ST6GALNAC1: variants seen among roughly 807,000 people sequenced by gnomAD.
ST6GALNAC1 encodes the protein alpha-N-acetylgalactosaminide alpha-2,6-sialyltransferase 1.
ST6GALNAC1 carries 45 observed loss-of-function variants against 56.8 expected under a neutral mutation model. The ratio of observed to expected loss-of-function variants is 0.79; its 90% CI spans 0.62 to 1.02. ST6GALNAC1 has a LOEUF of 1.02. ST6GALNAC1 is among the 50% of genes least tolerant of loss of function. The pLI is 0.00. For synonymous variants in ST6GALNAC1, 295 were observed against 297.8 expected, an observed-to-expected ratio of 0.99 and a Z score of 0.10; for missense variants, 743 against 754.8, an observed-to-expected ratio of 0.98 and a Z score of 0.18.
intron 1 of ST6GALNAC1, chr17:76,641,866 GA>G: frequency 6.6e-6 from 1 of 152,184 alleles, no homozygotes; most frequent in South Asian, 2.1e-4. Flanking sequence ...TCCCGACATG[GA>G]AAGATGTCCA....
At chr17:76,638,470 G>A (rs993521379) in intron 1 of ST6GALNAC1, among the ~76,000 whole-genome samples, 3 of 151,938 alleles carry the variant, frequency 2.0e-5, no homozygotes, top group Non-Finnish European at 2.9e-5. Flanking sequence ...TCTGCCTCCC[G>A]AGTTCAAGCG....
In ST6GALNAC1 at chr17:76,627,687, C is replaced by T. The variant is rs552185089; in HGVS notation, c.832-104G>A. The T allele has an allele frequency of 1.4e-5, 15 of 1,048,234 alleles. No individual in the cohort carries two copies. The highest frequency in any genetic ancestry group is 7.9e-5 in the African/African-American group (5 of 63,086). The allele number at this position is 1,048,234 out of a possible 1,614,324, so 64.9% of individuals were successfully genotyped here. ...GCTGGGGCTCGCAGTTTGGAAGGCGCGGCCTCTGCTACCTCTTCCATTCTG... is the reference window on the plus strand; with the variant it reads ...GCTGGGGCTCGCAGTTTGGAAGGCGTGGCCTCTGCTACCTCTTCCATTCTG... On this transcript the variant is annotated intron_variant, in intron 2 of 8. Coordinates refer to ENST00000156626, the MANE Select transcript of ST6GALNAC1 (RefSeq NM_018414.5). This position sits in a 1 kb window ranked among gnomAD's most constrained non-coding sequence, Gnocchi z 4.4.
downstream of ST6GALNAC1, among the ~76,000 whole-genome samples, chr17:76,619,906 G>C (rs1232875720): frequency 6.6e-6 from 1 of 151,878 alleles, no homozygotes; most frequent in Non-Finnish European, 1.5e-5. Context: ...GCCACACCCG[G>C]CTAATTTTTG....
chr17:76,626,087 G>A lies in ST6GALNAC1; in HGVS notation c.1424C>T (p.Pro475Leu). The A allele has an allele frequency of 6.2e-7, 1 of 1,614,108 alleles. No individual in the cohort carries two copies. Residue 475 changes from proline (P) to leucine (L), a missense_variant, in exon 7 of 9, where the codon CCC becomes CTC. Physicochemically the swap from Pro to Leu is moderately conservative, Grantham distance 98 (BLOSUM62 -3). Coordinates refer to ENST00000156626, the MANE Select transcript of ST6GALNAC1 (RefSeq NM_018414.5). ...SKNLFWFRHR[P>L]QEAFREALHM... Reference sequence around the variant, plus strand: ...CAGGGCTTCCCGAAAAGCTTCCTGGGGTCTGTGCCTGTGGTTAGGAAGGGG... The same window carrying A: ...CAGGGCTTCCCGAAAAGCTTCCTGGAGTCTGTGCCTGTGGTTAGGAAGGGG...
chr17:76,623,263 C>A (rs1230897463), downstream of ST6GALNAC1, among the ~76,000 whole-genome samples: 2 of 152,174 alleles, frequency 1.3e-5, no homozygotes, highest in East Asian at 3.8e-4. Context: ...ATTATAGAGA[C>A]TTTATAGTAT....
chr17:76,628,839 C>T (rs1393836213), intron 2 of ST6GALNAC1, among the ~76,000 whole-genome samples, 173 bp downstream of exon 2: 2 of 152,132 alleles, frequency 1.3e-5, no homozygotes, highest in Non-Finnish European at 2.9e-5. Context: ...ATTGGAAAGA[C>T]AAGTGGGGCA....
chr17:76,621,479 G>C (rs980554993), downstream of ST6GALNAC1, among the ~76,000 whole-genome samples: 1 of 147,672 alleles, frequency 6.8e-6, no homozygotes, highest in African/African-American at 2.5e-5. Context: ...CCGCACCCGG[G>C]CTTCTTTTTA....
chr17:76,621,471 G>A (rs569505119), downstream of ST6GALNAC1, among the ~76,000 whole-genome samples: 5 of 149,318 alleles, frequency 3.3e-5, no homozygotes, highest in East Asian at 2.0e-4. Context: ...ATAAGCCACC[G>A]CACCCGGGCT....
At chr17:76,628,796 C>T (rs1567954868) in intron 2 of ST6GALNAC1, among the ~76,000 whole-genome samples, 3 of 152,170 alleles carry the variant, frequency 2.0e-5, no homozygotes, top group Non-Finnish European at 2.9e-5. Flanking sequence ...GGGTCCGGGG[C>T]CTGCCTGCTC....
Position 76,629,329 on chromosome 17 carries a change from T to C in ST6GALNAC1, c.514A>G (p.Arg172Gly), listed in dbSNP as rs749822365. ...KTTQGNGGQT[R>G]KLTASRTVSE... Reference sequence around the variant, plus strand: ...ACCGTCCTGGAGGCCGTCAGCTTCCTGGTCTGGCCCCCATTTCCTTGGGTC... The same window carrying C: ...ACCGTCCTGGAGGCCGTCAGCTTCCCGGTCTGGCCCCCATTTCCTTGGGTC... The change falls in exon 2 of 9, where the codon AGG becomes GGG. Residue 172 changes from arginine to glycine, a missense_variant. Transcript: ENST00000156626. 1.2e-6 allele frequency: 2 copies of C among 1,614,118 alleles called. No homozygotes were observed. Among genetic ancestry groups the C allele is most frequent in the Admixed American group, 1.7e-5 (1 of 60,004 alleles).
rs2075812631 is a variant in ST6GALNAC1, at chr17:76,627,124, C to A, written c.1115G>T (p.Gly372Val). 1.9e-6 allele frequency: 3 copies of A among 1,593,886 alleles called. No homozygotes were observed. Among genetic ancestry groups the A allele is most frequent in the Non-Finnish European group, 2.6e-6 (3 of 1,169,816 alleles). Residue 372 changes from glycine (G) to valine (V), a missense_variant, in exon 4 of 9, where the codon GGC (glycine) becomes GTC (valine). Transcript: ENST00000156626. The surrounding 1 kb of genome is among the most constrained non-coding windows in gnomAD (Gnocchi z 4.4). ...CITCAVVGNG[G>V]ILNNSHMGQE... ...GCCCATGTGGGAGTTGTTCAGGATGCCCCCGTTGCCCACCACGGCACAGGT... is the reference window on the plus strand; with the variant it reads ...GCCCATGTGGGAGTTGTTCAGGATGACCCCGTTGCCCACCACGGCACAGGT...
chr17:76,627,633 C>G lies in ST6GALNAC1; in HGVS notation c.832-50G>C. On this transcript the variant is annotated intron_variant, in intron 2 of 8. Coordinates refer to ENST00000156626, the MANE Select transcript of ST6GALNAC1 (RefSeq NM_018414.5). This position sits in a 1 kb window ranked among gnomAD's most constrained non-coding sequence, Gnocchi z 4.4. ...GAAGGGAGAGACCCAGAAAGGCCAT[C>G]GGCCAGGGGCTGCACCACTGCAGCA... 1 of 1,571,866 alleles carries G rather than the reference C, an allele frequency of 6.4e-7. No individual in the cohort carries two copies. The highest frequency in any genetic ancestry group is 1.4e-5 in the African/African-American group (1 of 74,048).
intron 1 of ST6GALNAC1, among the ~76,000 whole-genome samples, chr17:76,640,400 T>G (rs1003234615): frequency 1.3e-5 from 2 of 152,134 alleles, no homozygotes; most frequent in Non-Finnish European, 2.9e-5. Flanking sequence ...GCCCCTTAAC[T>G]CCAGGGCATG....
rs1406266098 is a variant in ST6GALNAC1 at position 76,627,258 on chromosome 17, G to A, written c.1001-20C>T. 15 of 1,551,188 alleles carry A rather than the reference G, an allele frequency of 9.7e-6. No homozygotes were observed. The highest frequency in any genetic ancestry group is 2.6e-6 in the Non-Finnish European group (3 of 1,147,460). ...GCACCACTGGAACAAGAGTGGGGGT[G>A]CTCCATTCAGAGCCCTGGGAGGGAC... On this transcript the variant is annotated intron_variant, in intron 3 of 8. Coordinates refer to ENST00000156626, the MANE Select transcript of ST6GALNAC1 (RefSeq NM_018414.5). This position sits in a 1 kb window ranked among gnomAD's most constrained non-coding sequence, Gnocchi z 4.4.
chr17:76,622,514 G>A (rs1316255672), downstream of ST6GALNAC1, among the ~76,000 whole-genome samples: 4 of 151,962 alleles, frequency 2.6e-5, no homozygotes, highest in East Asian at 3.9e-4. Flanking sequence ...ACAGGTGCAC[G>A]CCACCATGCC....
chr17:76,625,928 G>T lies in ST6GALNAC1; in HGVS notation c.1506-10C>A, dbSNP rs767128837. On this transcript the variant is annotated splice_polypyrimidine_tract_variant and intron_variant, in intron 7 of 8. Coordinates refer to ENST00000156626, the MANE Select transcript of ST6GALNAC1 (RefSeq NM_018414.5). The stretch of plus-strand genomic sequence containing the variant: ...CTTAGACCTCAGAAACCTGTGAAAT[G>T]CCCCAAACCCCCAACTGTCAGGAGG... 2 of 1,591,616 alleles carry T rather than the reference G, an allele frequency of 1.3e-6. No homozygotes were observed. Among genetic ancestry groups the T allele is most frequent in the Non-Finnish European group, 1.7e-6 (2 of 1,169,382 alleles).
intron 2 of ST6GALNAC1, among the ~76,000 whole-genome samples, chr17:76,628,268 C>CTCCTTCCTTCCTTCCT (rs1192343192): frequency 5.3e-5 from 2 of 37,528 alleles, no homozygotes; most frequent in African/African-American, 1.9e-4. Flanking sequence ...CCCTCCCTCC[C>CTCCTTCCTTCCTTCCT]TCCTTCCTTC....
At chr17:76,636,906 C>T (rs1183517875) in intron 1 of ST6GALNAC1, among the ~76,000 whole-genome samples, 5 of 152,138 alleles carry the variant, frequency 3.3e-5, no homozygotes, top group Admixed American at 2.0e-4. Context: ...ATAGGAGACT[C>T]CATTTTGTTC....
At chr17:76,641,364 G>A (rs550868857) in intron 1 of ST6GALNAC1, among the ~76,000 whole-genome samples, 1 of 152,042 alleles carries the variant, frequency 6.6e-6, no homozygotes, top group South Asian at 2.1e-4. Flanking sequence ...ACTGCATTTA[G>A]AAGTATTGTA....
Sources: allele counts gnomAD v4.1 joint callset (sites outside exome capture counted in the v4.1 genomes callset), GRCh38; gene constraint gnomAD v4.1.1; non-coding constraint Gnocchi (gnomAD v3.1); transcripts MANE v1.5; gene names NCBI Gene and HGNC (gene_info 2026-07-23, HGNC 2026-07-21).